MAP3K13: variants seen among roughly 807,000 people sequenced by gnomAD.
The protein encoded by MAP3K13 is mitogen-activated protein kinase kinase kinase 13.
A neutral mutation model predicts 104.0 loss-of-function variants in MAP3K13; 52 were observed. The observed-to-expected ratio is 0.50, with a 90% CI of 0.40 to 0.63. MAP3K13 has a LOEUF of 0.63. Among genes scored for constraint, MAP3K13 ranks in the 20% least tolerant of loss-of-function variants. MAP3K13 has a pLI of 0.00. For synonymous variants in MAP3K13, 394 were observed against 442.2 expected (o/e 0.89, Z 1.37); for missense variants, 914 against 1,218.5 (o/e 0.75, Z 3.72).
intron 7 of MAP3K13, among the ~76,000 whole-genome samples, chr3:185,455,079 G>GATATATATATGAGATATA (rs1560118324): frequency 8.5e-5 from 8 of 93,602 alleles, no homozygotes; most frequent in African/African-American, 3.4e-4. Flanking sequence ...TGAGATATAT[G>GATATATATATGAGATATA]TGAGATATAT....
At chr3:185,393,536 G>A (rs1712197463) in intron 1 of MAP3K13, among the ~76,000 whole-genome samples, 1 of 150,150 alleles carries the variant, frequency 6.7e-6, no homozygotes, top group Admixed American at 6.7e-5. Context: ...TCAGCTCACT[G>A]CAAGCTCTAC....
chr3:185,431,407 C>T (rs1158496374), intron 2 of MAP3K13, among the ~76,000 whole-genome samples: 1 of 152,216 alleles, frequency 6.6e-6, no homozygotes, highest in Non-Finnish European at 1.5e-5. Flanking sequence ...ATAAGCCATA[C>T]TGCAATGACC....
chr3:185,320,295 G>T (rs1721812574), intron 2 of MAP3K13, among the ~76,000 whole-genome samples: 1 of 152,024 alleles, frequency 6.6e-6, no homozygotes, highest in Non-Finnish European at 1.5e-5. Context: ...TGGCCAGGCT[G>T]GTCTCAAACT....
In MAP3K13 at chr3:185,329,893, C is replaced by CTTTTTTT. The variant is rs71162293; in HGVS notation, c.-86+44265_-86+44271dup. ...ATAAAAGGTCGAATTAGCCAGTAGCCTTTTTTTTTTTTTTTTTTTTTGAGA... is the reference window on the plus strand; with the variant it reads ...ATAAAAGGTCGAATTAGCCAGTAGCCTTTTTTTTTTTTTTTTTTTTTTTTTTTTGAGA... On this transcript the variant is annotated intron_variant, in intron 2 of 14. Coordinates refer to the MAP3K13 transcript ENST00000424227. 1.1e-4 allele frequency among the ~76,000 whole-genome samples: 11 copies of CTTTTTTT among 104,674 alleles called. 3 individuals carry two copies. Among genetic ancestry groups the CTTTTTTT allele is most frequent in the Non-Finnish European group, 1.3e-4 (7 of 55,456 alleles). 68.7% of individuals were successfully genotyped at this position (104,674 alleles called of 152,430 possible). A position where few individuals can be genotyped will look rare whatever the true frequency, so the allele number is the denominator to read the frequency against.
chr3:185,343,431 G>T (rs1038477640), intron 2 of MAP3K13, among the ~76,000 whole-genome samples: 1 of 152,010 alleles, frequency 6.6e-6, no homozygotes, highest in Non-Finnish European at 1.5e-5. Flanking sequence ...TGCTGCAAAC[G>T]GACGACTCTC....
chr3:185,349,663 C>T (rs1723065595), intron 2 of MAP3K13, among the ~76,000 whole-genome samples: 1 of 152,226 alleles, frequency 6.6e-6, no homozygotes, highest in African/African-American at 2.4e-5. Context: ...AGGAAACTTT[C>T]CAGTTCTAGA....
At chr3:185,449,119 T>A (rs1440713200) in intron 5 of MAP3K13, among the ~76,000 whole-genome samples, 3 of 152,148 alleles carry the variant, frequency 2.0e-5, no homozygotes, top group African/African-American at 7.2e-5. Context: ...CACCTGTAAT[T>A]CCAGCACTTT....
At chr3:185,474,370 CA>C (rs1717986680) in intron 11 of MAP3K13, among the ~76,000 whole-genome samples, 1 of 151,990 alleles carries the variant, frequency 6.6e-6, no homozygotes, top group African/African-American at 2.4e-5. Context: ...GATATGTAAT[CA>C]AAATAGTTTG....
At position 185,315,511 on chromosome 3, in the gene MAP3K13, C is replaced by T. The variant is rs561602396; in HGVS notation, c.-86+29868C>T. Among the ~76,000 whole-genome samples the T allele has an allele frequency of 1.2e-3, 183 of 152,116 alleles. 2 individuals are homozygous for T. Among genetic ancestry groups the T allele is most frequent in the African/African-American group, 3.9e-3 (163 of 41,474 alleles). ...TGGTCCAGCGACCATTAATTGAGAA[C>T]GACTGCATTAGAAAAATCATGGGAA... On this transcript the variant is annotated intron_variant, in intron 2 of 14. Coordinates refer to the MAP3K13 transcript ENST00000424227. The surrounding 1 kb of genome is among the most constrained non-coding windows in gnomAD (Gnocchi z 4.3).
intron 10 of MAP3K13, among the ~76,000 whole-genome samples, chr3:185,467,877 T>G (rs1399930396): frequency 2.0e-5 from 3 of 151,434 alleles, no homozygotes; most frequent in African/African-American, 7.3e-5. Context: ...ACAGGAAGCA[T>G]GACAGCTTCT....
chr3:185,486,388 A>G lies in MAP3K13; in HGVS notation c.*3932A>G, dbSNP rs894722204. On this transcript the variant is annotated 3_prime_UTR_variant, in exon 14 of 14. Transcript: ENST00000265026. The stretch of plus-strand genomic sequence containing the variant: ...TTAAGTAGAATTGACTAGAGGTTTC[A>G]GAGGAGAATAAGGTCCTTAGTGGAG... 3.3e-5 allele frequency: 5 copies of G among 152,330 alleles called. No homozygotes were observed. The highest frequency in any genetic ancestry group is 3.3e-4 in the Admixed American group (5 of 15,298). The allele number at this position is 152,330 out of a possible 1,614,324, so 9.4% of individuals were successfully genotyped here. A position where few individuals can be genotyped will look rare whatever the true frequency, so the allele number is the denominator to read the frequency against.
chr3:185,373,614 C>A (rs1194697202), intron 1 of MAP3K13, among the ~76,000 whole-genome samples: 2 of 152,154 alleles, frequency 1.3e-5, no homozygotes, highest in African/African-American at 4.8e-5. Context: ...TGCACTCCAG[C>A]CTGGGTGACA....
intron 2 of MAP3K13, among the ~76,000 whole-genome samples, chr3:185,316,393 C>A (rs979398155): frequency 3.3e-5 from 5 of 152,154 alleles, no homozygotes; most frequent in African/African-American, 1.2e-4. Flanking sequence ...TTAATCCCAA[C>A]ACTTTGGAAG....
At chr3:185,411,642 C>A (rs1334841182) in intron 1 of MAP3K13, among the ~76,000 whole-genome samples, 1 of 152,126 alleles carries the variant, frequency 6.6e-6, no homozygotes, top group Non-Finnish European at 1.5e-5. Context: ...AGTGATACTT[C>A]AAATAGTAAT....
At chr3:185,283,901 T>C (rs1720404539) in intron 1 of MAP3K13, among the ~76,000 whole-genome samples, 2 of 147,002 alleles carry the variant, frequency 1.4e-5, no homozygotes, top group South Asian at 4.3e-4. Context: ...TTTCTTTCTT[T>C]TTTTTTTTTT....
chr3:185,465,894 T>G, intron 9 of MAP3K13, 31 bp downstream of exon 9: 3 of 1,478,738 alleles, frequency 2.0e-6, no homozygotes, highest in Non-Finnish European at 2.8e-6. Flanking sequence ...CTGTTCTTAC[T>G]GATTTGAGTC....
intron 1 of MAP3K13, among the ~76,000 whole-genome samples, chr3:185,392,603 C>T (rs1057508961): frequency 7.9e-5 from 12 of 152,112 alleles, no homozygotes; most frequent in African/African-American, 2.7e-4. Context: ...GCAAAATCGG[C>T]CTAGAGGGCT....
intron 1 of MAP3K13, among the ~76,000 whole-genome samples, chr3:185,422,616 G>C (rs1233301467): frequency 3.3e-5 from 5 of 152,188 alleles, no homozygotes; most frequent in Non-Finnish European, 7.3e-5. Context: ...ATAAAAAATT[G>C]ACAAAGTAGA....
intron 1 of MAP3K13, among the ~76,000 whole-genome samples, chr3:185,390,895 A>AATC (rs1712012369): frequency 6.6e-6 from 1 of 152,126 alleles, no homozygotes; most frequent in African/African-American, 2.4e-5. Flanking sequence ...TGCTGGGATT[A>AATC]CAGGCGTGAG....
Sources: gnomAD v4.1 joint callset for allele counts (sites outside exome capture counted in the v4.1 genomes callset) on GRCh38, gnomAD v4.1.1 for gene constraint, Gnocchi (gnomAD v3.1) non-coding constraint, MANE v1.5 for transcripts, NCBI Gene and HGNC (gene_info 2026-07-23, HGNC 2026-07-21) for gene names.